Variants in ALDH1A2 observed in about 807,000 individuals in gnomAD.
ALDH1A2 encodes the protein aldehyde dehydrogenase 1 family member A2.
Under a neutral mutation model 60.3 loss-of-function variants are expected in ALDH1A2, and 27 were observed. The observed-to-expected ratio is 0.45, with a 90% CI of 0.33 to 0.62. ALDH1A2 has a LOEUF of 0.62. Among genes scored for constraint, ALDH1A2 ranks in the 20% least tolerant of loss-of-function variants. The pLI is 0.02. For missense variants in ALDH1A2, 581 were observed against 643.8 expected (o/e 0.90, Z 1.06); for synonymous variants, 289 against 232.4 (o/e 1.24, Z -2.21).
At chr15:58,018,326 T>G (rs141042857) in intron 1 of ALDH1A2, among the ~76,000 whole-genome samples, 1,760 of 152,262 alleles carry the variant, frequency 0.012, 28 homozygotes, top group African/African-American at 0.04. Flanking sequence ...TTCATAATGA[T>G]ATACATTTTT....
At chr15:57,998,176 A>T (rs890015669) in intron 4 of ALDH1A2, among the ~76,000 whole-genome samples, 1 of 152,088 alleles carries the variant, frequency 6.6e-6, no homozygotes, top group Middle Eastern at 3.2e-3. Context: ...CCTATTCAAC[A>T]TAGTATTGGA....
intron 7 of ALDH1A2, among the ~76,000 whole-genome samples, chr15:57,976,788 G>A (rs563163092): frequency 2.3e-4 from 35 of 152,302 alleles, no homozygotes; most frequent in African/African-American, 7.5e-4. Context: ...CCAGTAATGC[G>A]ATTGTTGGGT....
intron 1 of ALDH1A2, among the ~76,000 whole-genome samples, chr15:58,017,090 T>C (rs1322223353): frequency 1.3e-5 from 2 of 152,088 alleles, no homozygotes; most frequent in Admixed American, 6.6e-5. Context: ...GGGCTATGAG[T>C]CCTTCAGATA....
intron 1 of ALDH1A2, among the ~76,000 whole-genome samples, chr15:58,046,990 G>T (rs1423361001): frequency 1.3e-5 from 2 of 151,998 alleles, no homozygotes; most frequent in Non-Finnish European, 2.9e-5. Flanking sequence ...CATACAGCCT[G>T]CCTTGCTTGG....
intron 7 of ALDH1A2, among the ~76,000 whole-genome samples, chr15:57,977,920 CTAAGTT>C (rs1423541661): frequency 1.3e-5 from 2 of 152,128 alleles, no homozygotes; most frequent in African/African-American, 4.8e-5. Flanking sequence ...CCAATCTCTT[CTAAGTT>C]TTATTCCTGA....
intron 4 of ALDH1A2, among the ~76,000 whole-genome samples, chr15:58,001,852 C>A (rs1379808461): frequency 1.3e-5 from 2 of 151,858 alleles, no homozygotes; most frequent in South Asian, 2.1e-4. Context: ...AAAAGGACTG[C>A]ATTTGATGGG....
At chr15:58,039,927 T>C (rs772545037) in intron 1 of ALDH1A2, among the ~76,000 whole-genome samples, 45 of 151,770 alleles carry the variant, frequency 3.0e-4, no homozygotes, top group Non-Finnish European at 5.0e-4. Flanking sequence ...GTGCTAGGCA[T>C]TGGAAGATAT....
intron 1 of ALDH1A2, among the ~76,000 whole-genome samples, chr15:58,021,942 G>A (rs887872666): frequency 1.2e-4 from 18 of 152,190 alleles, no homozygotes; most frequent in Non-Finnish European, 1.6e-4. Flanking sequence ...GCAGGCTACC[G>A]CCACCAGGGT....
chr15:58,041,931 G>A (rs144978387), intron 1 of ALDH1A2, among the ~76,000 whole-genome samples: 106 of 151,998 alleles, frequency 7.0e-4, no homozygotes, highest in African/African-American at 2.3e-3. Flanking sequence ...CCATATCGTA[G>A]TAAGTTATGT....
chr15:58,060,713 G>A (rs1421894347), intron 1 of ALDH1A2, among the ~76,000 whole-genome samples: 1 of 152,086 alleles, frequency 6.6e-6, no homozygotes, highest in African/African-American at 2.4e-5. Flanking sequence ...AGCTGCCGCA[G>A]ACAGTATATA....
intron 4 of ALDH1A2, among the ~76,000 whole-genome samples, chr15:58,008,157 G>C (rs1895518560): frequency 6.6e-6 from 1 of 152,084 alleles, no homozygotes; most frequent in Non-Finnish European, 1.5e-5. Context: ...CCAAACTTCA[G>C]CCTCCTGAGA....
At chr15:58,061,610 C>CAAAAAAAAAAAAAAAAA (rs1216992550) in intron 1 of ALDH1A2, among the ~76,000 whole-genome samples, 2 of 100,326 alleles carry the variant, frequency 2.0e-5, no homozygotes, top group African/African-American at 3.5e-5. Context: ...AAAAAAAAAA[C>CAAAAAAAAAAAAAAAAA]AAAAAAAAAA....
In ALDH1A2 at chr15:57,978,410, T is replaced by G. The variant is rs1423282364; in HGVS notation, c.799-12583A>C. ...TTTAGCATGAAGGGGTATTGAATTT[T>G]ATTGAAGGACTTTTCTGTATCTGCT... On this transcript the variant is annotated intron_variant, in intron 7 of 12. Transcript: ENST00000249750. Among the ~76,000 whole-genome samples the G allele has an allele frequency of 2.6e-5, 4 of 152,248 alleles. No homozygotes were observed. In the East Asian group the frequency reaches 7.7e-4, roughly 29 times the overall value.
intron 12 of ALDH1A2, among the ~76,000 whole-genome samples, chr15:57,960,277 G>C (rs1296531673): frequency 6.6e-6 from 1 of 152,146 alleles, no homozygotes; most frequent in Non-Finnish European, 1.5e-5. Context: ...TGTGAACTAG[G>C]CATTTGCTCA....
chr15:57,965,000 C>T (rs112218797), intron 8 of ALDH1A2, among the ~76,000 whole-genome samples: 2 of 150,120 alleles, frequency 1.3e-5, no homozygotes, highest in Non-Finnish European at 3.0e-5. Context: ...CTCTGCCTGG[C>T]AACAAGTGGA....
intron 4 of ALDH1A2, among the ~76,000 whole-genome samples, chr15:58,003,056 TG>T (rs1230321917): frequency 6.6e-6 from 1 of 151,966 alleles, no homozygotes; most frequent in Non-Finnish European, 1.5e-5. Flanking sequence ...TTCCTGAGTC[TG>T]TCATGAAGAT....
chr15:57,994,504 G>C (rs1417085229), intron 5 of ALDH1A2, among the ~76,000 whole-genome samples: 2 of 152,154 alleles, frequency 1.3e-5, no homozygotes, highest in Admixed American at 6.5e-5. Flanking sequence ...ATGAGAGACA[G>C]ACAGGAACAA....
At chr15:57,955,470 G>T (rs1245667121) in intron 12 of ALDH1A2, among the ~76,000 whole-genome samples, 1 of 124,302 alleles carries the variant, frequency 8.0e-6, no homozygotes, top group African/African-American at 3.2e-5. Flanking sequence ...AGTTTTTAAA[G>T]AAGTTTTTTT....
intron 7 of ALDH1A2, chr15:57,979,935 G>C: frequency 5.7e-6 from 2 of 353,588 alleles, no homozygotes; most frequent in Non-Finnish European, 1.2e-5. Flanking sequence ...CACACTTGTC[G>C]GTTCCCAGCT....
Sources: gnomAD v4.1 joint callset for allele counts (sites outside exome capture counted in the v4.1 genomes callset) on GRCh38, gnomAD v4.1.1 for gene constraint, MANE v1.5 for transcripts, NCBI Gene and HGNC (gene_info 2026-07-23, HGNC 2026-07-21) for gene names.